Variants in SRGAP2 observed in about 807,000 individuals in gnomAD.
SRGAP2 encodes SLIT-ROBO Rho GTPase-activating protein 2.
Under a neutral mutation model 57.2 loss-of-function variants are expected in SRGAP2, and 15 were observed. The observed-to-expected ratio is 0.26, with a 90% CI of 0.18 to 0.40. SRGAP2 has a LOEUF of 0.40. Ranked by LOEUF, SRGAP2 falls within the 10% of genes least tolerant of loss-of-function variation. SRGAP2 has a pLI of 1.00. For synonymous variants in SRGAP2, 249 were observed against 248.0 expected, an observed-to-expected ratio of 1.00 and a Z score of -0.04; for missense variants, 520 against 669.6, an observed-to-expected ratio of 0.78 and a Z score of 2.47.
At chr1:206,457,144 C>T (rs979691463) in intron 21 of SRGAP2, among the ~76,000 whole-genome samples, 3 of 152,062 alleles carry the variant, frequency 2.0e-5, no homozygotes, top group East Asian at 1.9e-4. Context: ...CACACCACAG[C>T]CACCCCATAA....
chr1:206,410,259 A>G (rs528513023), intron 10 of SRGAP2, among the ~76,000 whole-genome samples: 1 of 152,268 alleles, frequency 6.6e-6, no homozygotes, highest in East Asian at 1.9e-4. Context: ...ACAGCTCAGC[A>G]ATTTTTGCCT....
chr1:206,310,460 A>G (rs1553323733), intron 3 of SRGAP2, among the ~76,000 whole-genome samples: 2 of 152,226 alleles, frequency 1.3e-5, no homozygotes, highest in Non-Finnish European at 2.9e-5. Context: ...TTAGCATTGT[A>G]TACCTTGTCT....
At chr1:206,287,131 G>A (rs1671072274) in intron 2 of SRGAP2, among the ~76,000 whole-genome samples, 1 of 152,188 alleles carries the variant, frequency 6.6e-6, no homozygotes, top group Non-Finnish European at 1.5e-5. Flanking sequence ...AATTGGATTG[G>A]GAATTTGTAA....
At chr1:206,415,197 A>T (rs1318887752) in intron 10 of SRGAP2, among the ~76,000 whole-genome samples, 3 of 152,234 alleles carry the variant, frequency 2.0e-5, no homozygotes, top group Non-Finnish European at 2.9e-5. Context: ...GTTGAGAGAG[A>T]ACAAATCTGA....
At chr1:206,302,428 C>T (rs1244886055) in intron 2 of SRGAP2, among the ~76,000 whole-genome samples, 1 of 151,744 alleles carries the variant, frequency 6.6e-6, no homozygotes, top group African/African-American at 2.4e-5. Context: ...AGGACCCTGA[C>T]CAGCCAGAAA....
At chr1:206,323,612 G>T (rs1553328593) in intron 3 of SRGAP2, among the ~76,000 whole-genome samples, 2 of 150,776 alleles carry the variant, frequency 1.3e-5, no homozygotes, top group Non-Finnish European at 2.9e-5. Context: ...CATCTGCTCA[G>T]CTGTAGGCCA....
Position 206,278,398 on chromosome 1 carries a change from GAGTGC to G in SRGAP2, c.68-24878_68-24874del, listed in dbSNP as rs1357022807. Reference sequence around the variant, plus strand: ...GTCTCTCTCTCTCTTGCCCAGGTTGGAGTGCAGTGGCACCATGATAGCTCATTGCA... The same window carrying G: ...GTCTCTCTCTCTCTTGCCCAGGTTGGAGTGGCACCATGATAGCTCATTGCA... On this transcript the variant is annotated intron_variant, in intron 2 of 22. Coordinates refer to ENST00000573034, the MANE Select transcript of SRGAP2 (RefSeq NM_015326.5). 1.0e-4 allele frequency among the ~76,000 whole-genome samples: 14 copies of G among 137,892 alleles called. No individual in the cohort carries two copies. The Admixed American group carries it at 1.0e-3, about 10-fold the overall frequency. 90.5% of individuals were successfully genotyped at this position (137,892 alleles called of 152,430 possible).
intron 3 of SRGAP2, among the ~76,000 whole-genome samples, chr1:206,307,810 GC>G (rs1672343753): frequency 6.6e-6 from 1 of 151,886 alleles, no homozygotes; most frequent in African/African-American, 2.4e-5. Context: ...GCCGCACGCA[GC>G]CCCGGTTCCC....
chr1:206,371,736 A>G (rs1355182932), intron 4 of SRGAP2, among the ~76,000 whole-genome samples: 2 of 76,874 alleles, frequency 2.6e-5, no homozygotes, highest in African/African-American at 8.6e-5. Flanking sequence ...GTCTCCAAAA[A>G]AAAAAAGAAA....
intron 4 of SRGAP2, among the ~76,000 whole-genome samples, chr1:206,363,929 CCTCATCTTTTGCTTA>C (rs1162543398): frequency 1.3e-5 from 2 of 152,002 alleles, no homozygotes; most frequent in African/African-American, 4.8e-5. Context: ...TCCTATTTCT[CCTCATCTTTTGCTTA>C]CTAATTTTTA....
chr1:206,270,798 T>C (rs1407994184), intron 2 of SRGAP2, among the ~76,000 whole-genome samples: 2 of 37,308 alleles, frequency 5.4e-5, no homozygotes, highest in East Asian at 1.7e-3. Flanking sequence ...TTAGTATTTC[T>C]TGAAGGATAT....
intron 2 of SRGAP2, among the ~76,000 whole-genome samples, chr1:206,240,438 G>C (rs1668152066): frequency 6.6e-6 from 1 of 152,124 alleles, no homozygotes; most frequent in Admixed American, 6.5e-5. Flanking sequence ...TGGTTCTCCA[G>C]TTTGGCTGTA....
At chr1:206,415,994 C>T in intron 11 of SRGAP2, 21 bp downstream of exon 11, 1 of 776,852 alleles carries the variant, frequency 1.3e-6, no homozygotes, top group East Asian at 2.4e-5. Flanking sequence ...GAACCCTCTG[C>T]TAGAGGCTTG....
intron 13 of SRGAP2, 121 bp downstream of exon 13, chr1:206,421,395 G>A (rs1553364310): frequency 5.8e-6 from 3 of 514,158 alleles, no homozygotes; most frequent in South Asian, 2.9e-5. Flanking sequence ...CATTTGGAAT[G>A]TATCATTTAG....
At chr1:206,452,318 A>G (rs187126736) in intron 19 of SRGAP2, among the ~76,000 whole-genome samples, 1 of 152,138 alleles carries the variant, frequency 6.6e-6, no homozygotes, top group East Asian at 1.9e-4. Flanking sequence ...CACAAAATAT[A>G]TTTTCATATT....
intron 4 of SRGAP2, among the ~76,000 whole-genome samples, chr1:206,371,955 TG>T: frequency 1.2e-5 from 1 of 83,100 alleles, no homozygotes; most frequent in African/African-American, 8.6e-5. Context: ...GTATAACAGC[TG>T]GGACAAGAGG....
In SRGAP2 at chr1:206,255,783, T is replaced by A. The variant is rs1669146785; in HGVS notation, c.68-47498T>A. 2.0e-5 allele frequency among the ~76,000 whole-genome samples: 3 copies of A among 151,936 alleles called. No individual in the cohort carries two copies. In the South Asian group the frequency reaches 6.2e-4, roughly 32 times the overall value. ...AACTTCTTCAAGAAGATAAGATATG[T>A]GAAAGAGATGCAGACAGTAGGGAAA... On this transcript the variant is annotated intron_variant, in intron 2 of 22. Coordinates refer to ENST00000573034, the MANE Select transcript of SRGAP2 (RefSeq NM_015326.5).
chr1:206,413,425 G>A (rs908915214), intron 10 of SRGAP2, among the ~76,000 whole-genome samples: 13 of 152,216 alleles, frequency 8.5e-5, no homozygotes, highest in African/African-American at 3.1e-4. Context: ...GCTGGCATCT[G>A]GAGCAGATGG....
In SRGAP2 at chr1:206,446,739, C is replaced by T. The variant is rs148409868; in HGVS notation, c.2099+440C>T. 1.2e-4 allele frequency among the ~76,000 whole-genome samples: 18 copies of T among 152,186 alleles called. No homozygotes were observed. In the East Asian group the frequency reaches 2.7e-3, roughly 23 times the overall value. The stretch of plus-strand genomic sequence containing the variant: ...TAGATAAAAGGCATAATTTCCTGAC[C>T]GTGAGTTTGTAAGCTGGCACTTCAG... On this transcript the variant is annotated intron_variant, in intron 18 of 22. Coordinates refer to ENST00000573034, the MANE Select transcript of SRGAP2 (RefSeq NM_015326.5).
Sources: gnomAD v4.1 joint callset for allele counts (sites outside exome capture counted in the v4.1 genomes callset) on GRCh38, gnomAD v4.1.1 for gene constraint, MANE v1.5 for transcripts, NCBI Gene and HGNC (gene_info 2026-07-23, HGNC 2026-07-21) for gene names.